Variants in FRK observed in about 807,000 individuals in gnomAD.
FRK encodes the protein tyrosine-protein kinase FRK.
FRK carries 51 observed loss-of-function variants against 56.4 expected under a neutral mutation model. That is an observed-to-expected ratio of 0.90 (90% CI 0.72 to 1.14). The LOEUF (loss-of-function observed/expected upper bound fraction) is 1.14. FRK is among the 50% of genes most tolerant of loss of function. FRK has a pLI of 0.00. For missense variants in FRK, 570 were observed against 601.4 expected (o/e 0.95, Z 0.55); for synonymous variants, 245 against 217.9 (o/e 1.12, Z -1.10).
At chr6:116,069,687 A>G in the FRK span, among the ~76,000 whole-genome samples, 1 of 152,160 alleles carries the variant, frequency 6.6e-6, no homozygotes, top group Non-Finnish European at 1.5e-5. Context: ...GATGAATATG[A>G]ATGTCATTCT....
At chr6:116,098,258 C>A in the FRK span, among the ~76,000 whole-genome samples, 1 of 151,990 alleles carries the variant, frequency 6.6e-6, no homozygotes, top group Non-Finnish European at 1.5e-5. Flanking sequence ...ACTATAGGTG[C>A]CTGCCACCAT....
the FRK span, among the ~76,000 whole-genome samples, chr6:116,066,763 T>C: frequency 6.6e-6 from 1 of 152,150 alleles, no homozygotes; most frequent in African/African-American, 2.4e-5. Flanking sequence ...ATGGATTCTT[T>C]CTCACTATTC....
intron 1 of FRK, chr6:116,039,021 C>T (rs1776605802): frequency 1.4e-6 from 1 of 740,232 alleles, no homozygotes; most frequent in Non-Finnish European, 2.5e-6. Context: ...CAAAGCCAAT[C>T]GAGGGTCCTG....
At chr6:116,076,332 T>G in the FRK span, among the ~76,000 whole-genome samples, 1 of 152,248 alleles carries the variant, frequency 6.6e-6, no homozygotes. Context: ...TCAAAATGAT[T>G]TATTTTCTTT....
intron 2 of FRK, among the ~76,000 whole-genome samples, chr6:115,991,689 G>A (rs1470189146): frequency 1.3e-5 from 2 of 151,740 alleles, no homozygotes; most frequent in Non-Finnish European, 3.0e-5. Flanking sequence ...TTTTGTTGAG[G>A]ATTTTTGTAT....
At chr6:116,061,948 GAAGA>G (rs1169154041), upstream of FRK, among the ~76,000 whole-genome samples, 120 of 127,664 alleles carry the variant, frequency 9.4e-4, 2 homozygotes, top group African/African-American at 2.3e-3. Context: ...AGAAAGAAAG[GAAGA>G]AAGAAAGAAA....
At chr6:116,025,077 A>G (rs1469523480) in intron 1 of FRK, among the ~76,000 whole-genome samples, 2 of 152,144 alleles carry the variant, frequency 1.3e-5, no homozygotes. Context: ...TTTTTAAAAA[A>G]GGTCTTCTGG....
intron 4 of FRK, among the ~76,000 whole-genome samples, chr6:115,960,476 C>A (rs1773309443): frequency 6.6e-6 from 1 of 150,448 alleles, no homozygotes; most frequent in Admixed American, 6.6e-5. Flanking sequence ...GGAAGGGCGC[C>A]CGCCATTGCC....
At chr6:116,083,872 G>C in the FRK span, among the ~76,000 whole-genome samples, 1 of 151,516 alleles carries the variant, frequency 6.6e-6, no homozygotes, top group African/African-American at 2.4e-5. Context: ...TGTTGCCCAG[G>C]CTGGTCTCAA....
chr6:116,046,792 G>T (rs1303413379), intron 1 of FRK, among the ~76,000 whole-genome samples: 3 of 151,112 alleles, frequency 2.0e-5, no homozygotes, highest in Admixed American at 6.6e-5. Flanking sequence ...ATAAGAAGAA[G>T]AATAAACATT....
intron 4 of FRK, among the ~76,000 whole-genome samples, chr6:115,957,932 T>C (rs568742652): frequency 6.6e-6 from 1 of 152,370 alleles, no homozygotes; most frequent in Admixed American, 6.5e-5. Flanking sequence ...TCAATGACTG[T>C]TGATCATTAT....
Position 116,060,191 on chromosome 6 carries a change from G to C in FRK, c.121C>G (p.Gln41Glu). 1 of 1,614,188 alleles carries C rather than the reference G, an allele frequency of 6.2e-7. No homozygotes were observed. The change falls in exon 1 of 8, where the codon CAG becomes GAG. Residue 41 changes from glutamine to glutamate, a missense_variant. Coordinates refer to ENST00000606080, the MANE Select transcript of FRK (RefSeq NM_002031.3). ...NPGALCSPQS[Q>E]RHGHYFVALF... Reference sequence around the variant, plus strand: ...GCCACAAAGTAGTGGCCATGCCTCTGTGACTGGGGAGAGCAAAGGGCCCCT... The same window carrying C: ...GCCACAAAGTAGTGGCCATGCCTCTCTGACTGGGGAGAGCAAAGGGCCCCT...
intron 2 of FRK, among the ~76,000 whole-genome samples, chr6:115,997,273 T>G (rs1328597485): frequency 1.3e-5 from 2 of 152,174 alleles, no homozygotes; most frequent in East Asian, 3.8e-4. Context: ...TCCATTAAAC[T>G]ATGCCACTAG....
intron 1 of FRK, among the ~76,000 whole-genome samples, chr6:116,010,448 C>G (rs1214484337): frequency 1.3e-5 from 2 of 152,066 alleles, no homozygotes; most frequent in Admixed American, 1.3e-4. Flanking sequence ...TTGTAAAGGT[C>G]TGGACTAGAA....
Position 115,933,382 on chromosome 6 carries a change from A to G in FRK, c.*9032T>C, listed in dbSNP as rs371830182. ...TTTTCCTGATCCTTTTATTTAATAC[A>G]GGGAGAGAAATTTATGGCAGTTAAA... On this transcript the variant is annotated 3_prime_UTR_variant, in exon 8 of 8. Transcript: ENST00000606080. The G allele has an allele frequency of 6.6e-6, 1 of 152,340 alleles. No homozygotes were observed. The highest frequency in any genetic ancestry group is 1.9e-4 in the East Asian group (1 of 5,186). 9.4% of individuals were successfully genotyped at this position (152,340 alleles called of 1,614,324 possible).
At chr6:116,059,162 TGGTA>T (rs765344754) in intron 1 of FRK, among the ~76,000 whole-genome samples, 17 of 151,662 alleles carry the variant, frequency 1.1e-4, no homozygotes, top group Non-Finnish European at 2.2e-4. Context: ...CTTGGAGGGG[TGGTA>T]GGTGGATGGA....
chr6:116,081,837 T>G, the FRK span, among the ~76,000 whole-genome samples: 1 of 152,176 alleles, frequency 6.6e-6, no homozygotes, highest in African/African-American at 2.4e-5. Context: ...CTGTTCTAGA[T>G]GCTGGAACTT....
chr6:116,062,940 C>G (rs1777674441), upstream of FRK, among the ~76,000 whole-genome samples: 1 of 152,178 alleles, frequency 6.6e-6, no homozygotes, highest in Non-Finnish European at 1.5e-5. Context: ...AGACAGAAAA[C>G]AGAATATTCT....
chr6:116,039,195 G>A, intron 1 of FRK: 1 of 1,361,554 alleles, frequency 7.3e-7, no homozygotes, highest in Non-Finnish European at 1.0e-6. Context: ...AGAAGAAAGA[G>A]GTCATCGCAG....
Sources: allele counts gnomAD v4.1 joint callset (sites outside exome capture counted in the v4.1 genomes callset), GRCh38; gene constraint gnomAD v4.1.1; transcripts MANE v1.5; gene names NCBI Gene and HGNC (gene_info 2026-07-23, HGNC 2026-07-21).